COL27A1: variants seen among roughly 807,000 people sequenced by gnomAD.
COL27A1 encodes the protein collagen alpha-1(XXVII) chain.
COL27A1 carries 106 observed loss-of-function variants against 251.3 expected under a neutral mutation model. That is an observed-to-expected ratio of 0.42 (90% CI 0.36 to 0.50). COL27A1 has a LOEUF of 0.50. Among genes scored for constraint, COL27A1 ranks in the 20% least tolerant of loss-of-function variants. The pLI is 0.00. For synonymous variants in COL27A1, 1,000 were observed against 986.3 expected (o/e 1.01, Z -0.26); for missense variants, 2,325 against 2,522.8 (o/e 0.92, Z 1.68).
chr9:114,264,427 T>G lies in COL27A1; in HGVS notation c.3249+19T>G. 1 of 1,540,344 alleles carries G rather than the reference T, an allele frequency of 6.5e-7. No homozygotes were observed. The highest frequency in any genetic ancestry group is 8.8e-7 in the Non-Finnish European group (1 of 1,138,164). On this transcript the variant is annotated intron_variant, in intron 29 of 60. Coordinates refer to ENST00000356083, the MANE Select transcript of COL27A1 (RefSeq NM_032888.4). ...CCTGAAGGTACCGACCCCTAGGACC[T>G]GCCCTTCCTCACTCCTCCGACACTG...
intron 28 of COL27A1, among the ~76,000 whole-genome samples, chr9:114,262,501 G>C (rs1371084596): frequency 6.6e-6 from 1 of 152,204 alleles, no homozygotes; most frequent in Non-Finnish European, 1.5e-5. Flanking sequence ...CCTCTGGGGA[G>C]GCTGCCCCCT....
chr9:114,225,725 A>G (rs1322392957), intron 14 of COL27A1, among the ~76,000 whole-genome samples: 2 of 152,246 alleles, frequency 1.3e-5, no homozygotes, highest in African/African-American at 4.8e-5. Context: ...ATTTTAGTGG[A>G]AATTCAAATT....
rs879417156 is a variant in COL27A1, at chr9:114,195,965, A to G, written c.2077A>G (p.Met693Val). ...CCTTGTCTGTGTCTTCCAGGGTGAC[A>G]TGGGCTTGCCTGGGCTCTCCGGGAA... Reference protein sequence around the residue: ...GKAHDGAKGDMGLPGLSGNPG... With the variant: ...GKAHDGAKGDVGLPGLSGNPG... Residue 693 changes from methionine (M) to valine (V), a missense_variant, in exon 7 of 61, where the codon ATG (methionine) becomes GTG (valine). Met to Val is a conservative substitution (Grantham distance 21). This residue lies in a region of COL27A1 where 1,183 missense variants were observed against 1,144.1 expected (regional missense o/e 1.03). Coordinates refer to ENST00000356083, the MANE Select transcript of COL27A1 (RefSeq NM_032888.4). 1.2e-6 allele frequency: 2 copies of G among 1,613,700 alleles called. No homozygotes were observed. The highest frequency in any genetic ancestry group is 1.3e-5 in the African/African-American group (1 of 75,038).
intron 27 of COL27A1, among the ~76,000 whole-genome samples, chr9:114,256,016 G>A (rs1833895926): frequency 6.6e-6 from 1 of 152,172 alleles, no homozygotes; most frequent in Admixed American, 6.5e-5. Flanking sequence ...CTGCATAACT[G>A]TGTGCTTCAT....
chr9:114,275,835 G>A, intron 37 of COL27A1, 67 bp downstream of exon 37: 1 of 1,062,912 alleles, frequency 9.4e-7, no homozygotes, highest in Non-Finnish European at 1.3e-6. Context: ...GCCTGTGCAG[G>A]CGGCTGGGCG....
In COL27A1 at chr9:114,266,611, G is replaced by T; in HGVS notation, c.3440G>T (p.Gly1147Val). 6.2e-7 allele frequency: 1 copy of T among 1,613,638 alleles called. No individual in the cohort carries two copies. Among genetic ancestry groups the T allele is most frequent in the Non-Finnish European group, 8.5e-7 (1 of 1,179,610 alleles). The change falls in exon 33 of 61, where the codon GGA (glycine) becomes GTA (valine). Residue 1147 changes from glycine to valine, a missense_variant. By Grantham distance (109) the Gly-to-Val change is moderately radical. Around this residue, in one of 4 missense-constraint regions of COL27A1, gnomAD observed 662 missense variants for 795.3 expected, o/e 0.83. Coordinates refer to ENST00000356083, the MANE Select transcript of COL27A1 (RefSeq NM_032888.4). ...CCAATTGGGCCTCCAGGAGAGATGG[G>T]ACCCAAGGTGAGTGTGAGAGACCCT... is the stretch of plus-strand genomic sequence containing the variant. ...QGPIGPPGEM[G>V]PKGPPGAVGE... is the part of the protein sequence containing the mutation.
At chr9:114,244,725 G>A (rs77559606) in intron 23 of COL27A1, among the ~76,000 whole-genome samples, 3,505 of 152,246 alleles carry the variant, frequency 0.023, 149 homozygotes, top group African/African-American at 0.08. Flanking sequence ...CCATGTATGC[G>A]CCAAACTACT....
At chr9:114,267,437 T>G in intron 33 of COL27A1, 67 bp from the exon 34 acceptor site, 1 of 1,418,602 alleles carries the variant, frequency 7.0e-7, no homozygotes, top group Non-Finnish European at 9.7e-7. Flanking sequence ...GGAGCCTCAG[T>G]TACCCCCTTG....
intron 16 of COL27A1, among the ~76,000 whole-genome samples, chr9:114,232,604 C>T (rs904544187): frequency 1.3e-5 from 2 of 152,186 alleles, no homozygotes; most frequent in East Asian, 3.8e-4. Context: ...ATGAGACATC[C>T]GAAGGACTGA....
intron 37 of COL27A1, 127 bp from the exon 38 acceptor site, chr9:114,282,150 G>T (rs1302964951): frequency 2.6e-6 from 2 of 765,590 alleles, no homozygotes; most frequent in Non-Finnish European, 4.5e-6. Flanking sequence ...GTGGGTACTG[G>T]GTGGCAGAAT....
chr9:114,191,568 C>T (rs78487067), intron 5 of COL27A1, among the ~76,000 whole-genome samples: 3,282 of 152,288 alleles, frequency 0.022, 138 homozygotes, highest in African/African-American at 0.075. Context: ...ATGGCTTCTT[C>T]ATCCATGTCC....
intron 7 of COL27A1, among the ~76,000 whole-genome samples, chr9:114,201,133 G>C (rs2135277607): frequency 6.6e-6 from 1 of 152,318 alleles, no homozygotes; most frequent in Middle Eastern, 3.4e-3. Flanking sequence ...TATAGACCGA[G>C]TTCTATTATA....
Position 114,275,783 on chromosome 9 carries a change from C to T in COL27A1, c.3717+15C>T. 6.7e-7 allele frequency: 1 copy of T among 1,503,074 alleles called. No individual in the cohort carries two copies. The highest frequency in any genetic ancestry group is 1.2e-5 in the South Asian group (1 of 82,400). 93.1% of individuals were successfully genotyped at this position (1,503,074 alleles called of 1,614,324 possible). A position where few individuals can be genotyped will look rare whatever the true frequency, so the allele number is the denominator to read the frequency against. On this transcript the variant is annotated intron_variant, in intron 37 of 60. Transcript: ENST00000356083. ...CTGGTGTCCGGGTGAGTGTGCAGGC[C>T]CCTTGCAGCGCCTGGAGCTCTGGGG...
chr9:114,175,418 G>T (rs1211235348), intron 3 of COL27A1, among the ~76,000 whole-genome samples: 2 of 152,270 alleles, frequency 1.3e-5, no homozygotes, highest in East Asian at 3.8e-4. Context: ...CGGATCAGGG[G>T]AGAGGGGCCA....
chr9:114,240,772 A>G (rs1231389304), intron 21 of COL27A1, among the ~76,000 whole-genome samples: 2 of 152,234 alleles, frequency 1.3e-5, no homozygotes, highest in African/African-American at 4.8e-5. Flanking sequence ...AGCTACTGAC[A>G]ATGCCGTGCT....
intron 1 of COL27A1, 148 bp from the exon 2 acceptor site, chr9:114,162,567 G>A: frequency 3.1e-6 from 2 of 653,578 alleles, no homozygotes; most frequent in South Asian, 3.6e-5. Flanking sequence ...CTCTGATGGG[G>A]TCCTAGAGCC....
chr9:114,241,550 G>A (rs1832757678), intron 21 of COL27A1, among the ~76,000 whole-genome samples: 1 of 152,212 alleles, frequency 6.6e-6, no homozygotes, highest in Admixed American at 6.5e-5. Flanking sequence ...GGCCGGAAGC[G>A]GGAAGGAAGG....
Position 114,167,810 on chromosome 9 carries a change from C to T in COL27A1, c.255C>T (p.Pro85=). 1 of 1,613,490 alleles carries T rather than the reference C, an allele frequency of 6.2e-7. No homozygotes were observed. The part of the protein sequence containing the change: ...IFTQRARLQA[P]TGTVIPAALG... ...CGCAGCGGGCCCGGCTCCAGGCTCC[C>T]ACGGGCACCGTCATTCCTGCCGCCT... is the stretch of plus-strand genomic sequence containing the variant. The change falls in exon 3 of 61, where the codon CCC becomes CCT. Residue 85 remains proline, a synonymous_variant. Transcript: ENST00000356083.
Position 114,237,712 on chromosome 9 carries a change from C to A in COL27A1, c.2724C>A (p.Pro908=). ...GSIGFPGPPG[P]EGFPGDIGPP... is the part of the protein sequence containing the mutation. ...TTGGGTTTCCCGGGCCCCCTGGACC[C>A]GAGGTATGTGATGCCCCATTTCTCC... Residue 908 remains proline, a synonymous_variant, in exon 19 of 61, where the codon CCC becomes CCA. Coordinates refer to ENST00000356083, the MANE Select transcript of COL27A1 (RefSeq NM_032888.4). 6.2e-7 allele frequency: 1 copy of A among 1,613,706 alleles called. No individual in the cohort carries two copies.
Sources: gnomAD v4.1 joint callset for allele counts (sites outside exome capture counted in the v4.1 genomes callset) on GRCh38, gnomAD v4.1.1 for gene constraint, gnomAD v4.1.1 regional missense constraint, MANE v1.5 for transcripts, NCBI Gene and HGNC (gene_info 2026-07-23, HGNC 2026-07-21) for gene names.